The following LRFN5 variants were observed in gnomAD, a reference collection of about 807,000 sequenced individuals.
LRFN5 encodes leucine rich repeat and fibronectin type III domain containing 5.
A neutral mutation model predicts 45.6 loss-of-function variants in LRFN5; 24 were observed. That is an observed-to-expected ratio of 0.53 (90% CI 0.38 to 0.74). The LOEUF (loss-of-function observed/expected upper bound fraction) is 0.74, where lower values mean the gene tolerates loss of function less well. LRFN5 is among the 30% of genes least tolerant of loss of function. The probability of loss-of-function intolerance (pLI) is 0.00; values close to 1 mark genes in which losing one functional copy is unlikely to be tolerated. For missense variants in LRFN5, 776 were observed against 861.5 expected, an observed-to-expected ratio of 0.90 and a Z score of 1.24; for synonymous variants, 340 against 313.8, an observed-to-expected ratio of 1.08 and a Z score of -0.88.
chr14:41,784,787 C>T (rs1415861301), intron 2 of LRFN5, among the ~76,000 whole-genome samples: 1 of 152,016 alleles, frequency 6.6e-6, no homozygotes, highest in Admixed American at 6.6e-5. Context: ...CACCACTATA[C>T]CCGGCTAATT....
intron 4 of LRFN5, among the ~76,000 whole-genome samples, chr14:41,897,821 T>G (rs894449762): frequency 3.9e-5 from 6 of 152,130 alleles, no homozygotes; most frequent in Non-Finnish European, 7.4e-5. Context: ...CATTAAGGAA[T>G]AAGCCATGAC....
intron 1 of LRFN5, chr14:41,731,754 CTTCT>C (rs1884188838): frequency 6.6e-6 from 1 of 152,078 alleles, no homozygotes; most frequent in Non-Finnish European, 1.5e-5. Context: ...GATGTTTTCC[CTTCT>C]TTATCTCCTT....
chr14:41,609,299 C>T (rs1033141327), intron 1 of LRFN5, among the ~76,000 whole-genome samples: 1 of 151,896 alleles, frequency 6.6e-6, no homozygotes, highest in African/African-American at 2.4e-5. Context: ...GTCACGGACA[C>T]GCAACTCCTT....
intron 1 of LRFN5, among the ~76,000 whole-genome samples, chr14:41,637,104 G>A (rs115442835): frequency 0.012 from 1,754 of 152,212 alleles, 13 homozygotes; most frequent in Middle Eastern, 0.037. Context: ...CCTATCTCAG[G>A]ATATTCCATT....
intron 1 of LRFN5, among the ~76,000 whole-genome samples, chr14:41,679,270 C>G (rs1000821467): frequency 2.0e-5 from 3 of 152,130 alleles, no homozygotes; most frequent in African/African-American, 7.2e-5. Flanking sequence ...GAAACACAAG[C>G]CAGGGTGGCT....
intron 1 of LRFN5, among the ~76,000 whole-genome samples, chr14:41,686,982 T>G (rs929279598): frequency 2.0e-5 from 3 of 152,182 alleles, no homozygotes; most frequent in Middle Eastern, 3.2e-3. Flanking sequence ...ATAAAATGAG[T>G]TAGGGAGGAG....
chr14:41,685,597 G>A (rs1180244913), intron 1 of LRFN5, among the ~76,000 whole-genome samples: 1 of 152,050 alleles, frequency 6.6e-6, no homozygotes, highest in African/African-American at 2.4e-5. Flanking sequence ...TATGATTTGG[G>A]GTTTTACATA....
chr14:41,800,039 T>G (rs904811613), intron 2 of LRFN5, among the ~76,000 whole-genome samples: 1 of 152,034 alleles, frequency 6.6e-6, no homozygotes, highest in Non-Finnish European at 1.5e-5. Context: ...CTAAGTATTT[T>G]TACTTAATAT....
At chr14:41,719,590 A>G (rs1239138632) in intron 1 of LRFN5, among the ~76,000 whole-genome samples, 2 of 152,070 alleles carry the variant, frequency 1.3e-5, no homozygotes, top group Admixed American at 6.6e-5. Flanking sequence ...CCTCTAATGC[A>G]ACTTCACTGC....
At chr14:41,618,511 C>G (rs745832772) in intron 1 of LRFN5, among the ~76,000 whole-genome samples, 1 of 152,180 alleles carries the variant, frequency 6.6e-6, no homozygotes, top group African/African-American at 2.4e-5. Context: ...TGGCCAGACA[C>G]GCAGATGAGG....
chr14:41,821,950 A>G (rs1399028946), intron 2 of LRFN5, among the ~76,000 whole-genome samples: 26 of 151,938 alleles, frequency 1.7e-4, no homozygotes, highest in Non-Finnish European at 8.8e-5. Context: ...GTGCATGTAG[A>G]AATGCTCATA....
At chr14:41,758,655 G>A (rs1320486392) in intron 1 of LRFN5, among the ~76,000 whole-genome samples, 4 of 152,150 alleles carry the variant, frequency 2.6e-5, no homozygotes, top group Admixed American at 2.6e-4. Context: ...AAAATAATGT[G>A]TCTGAAAATG....
At chr14:41,637,869 G>C (rs1298525266) in intron 1 of LRFN5, among the ~76,000 whole-genome samples, 1 of 152,094 alleles carries the variant, frequency 6.6e-6, no homozygotes, top group Non-Finnish European at 1.5e-5. Context: ...TTAGCACCTT[G>C]AACAATTCCT....
At chr14:41,725,411 A>C (rs1028504698) in intron 1 of LRFN5, among the ~76,000 whole-genome samples, 1 of 152,154 alleles carries the variant, frequency 6.6e-6, no homozygotes, top group Non-Finnish European at 1.5e-5. Context: ...ATTTCTGTAT[A>C]TCATGTGGTA....
At chr14:41,632,999 C>G (rs1888603847) in intron 1 of LRFN5, among the ~76,000 whole-genome samples, 1 of 152,246 alleles carries the variant, frequency 6.6e-6, no homozygotes, top group African/African-American at 2.4e-5. Flanking sequence ...TGCAGTCAGA[C>G]TTGGTTTCCA....
At chr14:41,694,786 A>G (rs974727045) in intron 1 of LRFN5, among the ~76,000 whole-genome samples, 1 of 151,914 alleles carries the variant, frequency 6.6e-6, no homozygotes, top group South Asian at 2.1e-4. Flanking sequence ...GGTCAATGAT[A>G]TTTGGTGTTA....
At chr14:41,673,987 C>T (rs1461394174) in intron 1 of LRFN5, among the ~76,000 whole-genome samples, 1 of 142,408 alleles carries the variant, frequency 7.0e-6, no homozygotes, top group African/African-American at 2.6e-5. Flanking sequence ...GGCTGCCGGG[C>T]GGAGACGCTG....
At chr14:41,669,752 C>T (rs1881077269) in intron 1 of LRFN5, among the ~76,000 whole-genome samples, 1 of 151,600 alleles carries the variant, frequency 6.6e-6, no homozygotes, top group Non-Finnish European at 1.5e-5. Context: ...ATAATATGGG[C>T]ACAGAAATTT....
At chr14:41,675,386 C>T (rs2138673036) in intron 1 of LRFN5, among the ~76,000 whole-genome samples, 1 of 152,380 alleles carries the variant, frequency 6.6e-6, no homozygotes, top group African/African-American at 2.4e-5. Flanking sequence ...GGATCACTCG[C>T]TGTTAGGAGC....
Sources: allele counts gnomAD v4.1 joint callset (sites outside exome capture counted in the v4.1 genomes callset), GRCh38; gene constraint gnomAD v4.1.1; transcripts MANE v1.5; gene names NCBI Gene and HGNC (gene_info 2026-07-23, HGNC 2026-07-21).